The following IAH1 variants were observed in gnomAD, a reference collection of about 807,000 sequenced individuals.
The protein encoded by IAH1 is isoamyl acetate hydrolyzing esterase 1 (putative), also known as isoamyl acetate-hydrolyzing esterase 1 homolog.
Under a neutral mutation model 26.7 loss-of-function variants are expected in IAH1, and 24 were observed. The ratio of observed to expected loss-of-function variants is 0.90; its 90% confidence interval spans 0.65 to 1.26. IAH1 has a LOEUF of 1.26. Ranked by LOEUF, IAH1 falls within the 50% of genes most tolerant of loss-of-function variation. The probability of loss-of-function intolerance (pLI) is 0.00; values close to 1 mark genes in which losing one functional copy is unlikely to be tolerated. For missense variants in IAH1, 300 were observed against 299.9 expected (o/e 1.00, Z 0.00); for synonymous variants, 140 against 118.5 (o/e 1.18, Z -1.18).
At chr2:9,474,300 T>A (rs1460874753), upstream of IAH1, among the ~76,000 whole-genome samples, 3 of 151,858 alleles carry the variant, frequency 2.0e-5, no homozygotes, top group African/African-American at 7.3e-5. This position sits in a 1 kb window ranked among gnomAD's most constrained non-coding sequence, Gnocchi z 4.3. Flanking sequence ...GAGCGCGGGG[T>A]GGGCTTAGAA....
chr2:9,478,244 G>A lies in IAH1; in HGVS notation c.157G>A (p.Gly53Arg), dbSNP rs1558475968. 6.2e-7 allele frequency: 1 copy of A among 1,607,518 alleles called. No individual in the cohort carries two copies. Among genetic ancestry groups the A allele is most frequent in the Non-Finnish European group, 8.5e-7 (1 of 1,177,710 alleles). ...CAGAAAATGTGATGTTCTGAATCGTGGATTTTCAGGTTACAATACCAGGTG... is the reference window on the plus strand; with the variant it reads ...CAGAAAATGTGATGTTCTGAATCGTAGATTTTCAGGTTACAATACCAGGTG... Reference protein sequence around the residue: ...LVRKCDVLNRGFSGYNTRWAK... With the variant: ...LVRKCDVLNRRFSGYNTRWAK... The change falls in exon 3 of 6, where the codon GGA (glycine) becomes AGA (arginine). Residue 53 changes from glycine to arginine, a missense_variant. Transcript: ENST00000497473.
At chr2:9,490,216 C>T, downstream of IAH1, 1 of 1,601,042 alleles carries the variant, frequency 6.2e-7, no homozygotes, top group Admixed American at 1.7e-5. Flanking sequence ...GATTCTGACG[C>T]TGCAGTTTAA....
the IAH1 span, chr2:9,510,277 AG>A: frequency 1.1e-6 from 1 of 928,412 alleles, no homozygotes; most frequent in South Asian, 1.7e-5. Flanking sequence ...CCAGCACTTT[AG>A]GAGGCTGAGA....
chr2:9,504,425 CAG>C, the IAH1 span, among the ~76,000 whole-genome samples: 1 of 151,452 alleles, frequency 6.6e-6, no homozygotes, highest in Non-Finnish European at 1.5e-5. Flanking sequence ...AGCCTGGCAA[CAG>C]AGCGAGACGC....
the IAH1 span, among the ~76,000 whole-genome samples, chr2:9,502,850 G>T: frequency 1.6e-5 from 2 of 127,870 alleles, no homozygotes; most frequent in African/African-American, 6.2e-5. Context: ...CTGCACTCCA[G>T]CCTAGGCAAC....
chr2:9,490,271 T>C, downstream of IAH1: 1 of 1,614,136 alleles, frequency 6.2e-7, no homozygotes, highest in South Asian at 1.1e-5. Flanking sequence ...GTCCGTGAGA[T>C]CCTCAAATGA....
chr2:9,478,411 AT>A, intron 3 of IAH1, 41 bp downstream of exon 3: 1 of 1,520,152 alleles, frequency 6.6e-7, no homozygotes, highest in Admixed American at 2.1e-5. Flanking sequence ...ACTTTTAATC[AT>A]TTTTATGTTA....
the IAH1 span, chr2:9,510,206 T>C: frequency 1.6e-5 from 24 of 1,496,244 alleles, no homozygotes; most frequent in Non-Finnish European, 2.1e-5. Flanking sequence ...GGGCCTATGC[T>C]GTCTTAAATA....
At chr2:9,494,596 CT>C, downstream of IAH1, 1 of 1,604,162 alleles carries the variant, frequency 6.2e-7, no homozygotes, top group Non-Finnish European at 8.5e-7. Context: ...TAAAAACTTC[CT>C]ATCTGGCTGT....
chr2:9,510,556 C>T, the IAH1 span, among the ~76,000 whole-genome samples: 5 of 151,654 alleles, frequency 3.3e-5, no homozygotes, highest in South Asian at 2.1e-4. Context: ...CTCAACTACT[C>T]GGGAGGCTGA....
At chr2:9,499,396 CA>C (rs1477255320), downstream of IAH1, among the ~76,000 whole-genome samples, 2 of 151,914 alleles carry the variant, frequency 1.3e-5, no homozygotes, top group Non-Finnish European at 2.9e-5. Context: ...AGGTTCCTAA[CA>C]TTTGTTTTTT....
At chr2:9,479,717 G>A (rs541335438) in intron 3 of IAH1, among the ~76,000 whole-genome samples, 44 of 150,790 alleles carry the variant, frequency 2.9e-4, no homozygotes, top group Non-Finnish European at 5.0e-4. Context: ...GCCAAGGGAC[G>A]GCCCACGTGT....
At chr2:9,481,186 G>A in intron 3 of IAH1, 100 bp from the exon 4 acceptor site, 2 of 1,262,394 alleles carry the variant, frequency 1.6e-6, no homozygotes, top group Non-Finnish European at 2.3e-6. Flanking sequence ...AATCCCCCCA[G>A]TGACATCATG....
downstream of IAH1, chr2:9,491,284 A>G: frequency 1.4e-6 from 1 of 713,762 alleles, no homozygotes; most frequent in Non-Finnish European, 2.3e-6. Flanking sequence ...AGCAGGCTCA[A>G]CAGATGACAA....
At chr2:9,490,294 G>C, downstream of IAH1, 5 of 1,614,170 alleles carry the variant, frequency 3.1e-6, no homozygotes, top group Non-Finnish European at 4.2e-6. Context: ...TGGCAGCTGT[G>C]CTGCTATTTG....
Position 9,481,366 on chromosome 2 carries a change from G to A in IAH1, c.364G>A (p.Asp122Asn). 3 of 1,614,164 alleles carry A rather than the reference G, an allele frequency of 1.9e-6. No homozygotes were observed. Among genetic ancestry groups the A allele is most frequent in the Non-Finnish European group, 2.5e-6 (3 of 1,180,012 alleles). ...CATGGTGCAGTACCTGAAGTCCGTG[G>A]ACATCCCTGAGAATCGAGTCATTCT... ...KSMVQYLKSVDIPENRVILIT... is the reference protein window; with the variant it reads ...KSMVQYLKSVNIPENRVILIT... Residue 122 changes from aspartate to asparagine, a missense_variant, in exon 4 of 6, where the codon GAC becomes AAC. Coordinates refer to ENST00000497473, the MANE Select transcript of IAH1 (RefSeq NM_001039613.3).
Position 9,488,287 on chromosome 2 carries a change from A to G in IAH1, c.705A>G (p.Glu235=). ...LLLPYWRDVA[E]AKPELSLLGD... is the part of the protein sequence containing the mutation. ...TTCCTTACTGGCGGGATGTAGCAGAAGCAAAACCTGAATTAAGTCTGCTGG... is the reference window on the plus strand; with the variant it reads ...TTCCTTACTGGCGGGATGTAGCAGAGGCAAAACCTGAATTAAGTCTGCTGG... The change falls in exon 6 of 6, where the codon GAA becomes GAG. Residue 235 remains glutamate (E), a synonymous_variant. Transcript: ENST00000497473. 2.5e-6 allele frequency: 4 copies of G among 1,612,258 alleles called. No individual in the cohort carries two copies. Among genetic ancestry groups the G allele is most frequent in the Non-Finnish European group, 2.5e-6 (3 of 1,179,544 alleles).
At position 9,476,055 on chromosome 2, in the gene IAH1, G is replaced by A. The variant is rs148450973; in HGVS notation, c.134+16G>A. On this transcript the variant is annotated intron_variant, in intron 2 of 5. Transcript: ENST00000497473. ...GGCTGGTCAGGTGAGAATGGTTTCC[G>A]ATACTTGAGTTCTTATGGATGGAAA... is the stretch of plus-strand genomic sequence containing the variant. 1,122 of 1,605,932 alleles carry A rather than the reference G, an allele frequency of 7.0e-4. 12 individuals are homozygous for A. The highest frequency in any genetic ancestry group is 8.3e-5 in the Non-Finnish European group (97 of 1,173,216).
downstream of IAH1, chr2:9,493,930 C>A (rs1572878674): frequency 1.3e-5 from 12 of 916,628 alleles, 1 homozygote; most frequent in South Asian, 2.1e-4. Context: ...TCATTAAAAT[C>A]AAACGTTTTC....
Sources: gnomAD v4.1 joint callset for allele counts (sites outside exome capture counted in the v4.1 genomes callset) on GRCh38, gnomAD v4.1.1 for gene constraint, Gnocchi (gnomAD v3.1) non-coding constraint, MANE v1.5 for transcripts, NCBI Gene and HGNC (gene_info 2026-07-23, HGNC 2026-07-21) for gene names.